Variants in ROBO2 observed in about 807,000 individuals in gnomAD.
ROBO2 encodes roundabout guidance receptor 2.
A neutral mutation model predicts 160.8 loss-of-function variants in ROBO2; 53 were observed. The ratio of observed to expected loss-of-function variants is 0.33; its 90% CI spans 0.26 to 0.41. The LOEUF (loss-of-function observed/expected upper bound fraction) is 0.41. ROBO2 is among the 10% of genes least tolerant of loss of function. The pLI is 1.00. For missense variants in ROBO2, 1,577 were observed against 1,722.4 expected, an observed-to-expected ratio of 0.92 and a Z score of 1.49; for synonymous variants, 664 against 611.7, an observed-to-expected ratio of 1.09 and a Z score of -1.26.
intron 2 of ROBO2, among the ~76,000 whole-genome samples, chr3:76,455,002 G>A (rs2077677207): frequency 1.3e-5 from 2 of 151,908 alleles, no homozygotes; most frequent in South Asian, 4.1e-4. Context: ...GGTATAAAAA[G>A]GAAAAAAATT....
At chr3:76,728,455 A>C (rs1393385406) in intron 2 of ROBO2, among the ~76,000 whole-genome samples, 1 of 152,230 alleles carries the variant, frequency 6.6e-6, no homozygotes, top group African/African-American at 2.4e-5. Flanking sequence ...ATGTTATTGC[A>C]AATTGTATTT....
At chr3:77,278,507 G>T (rs909803174) in intron 2 of ROBO2, among the ~76,000 whole-genome samples, 1 of 152,088 alleles carries the variant, frequency 6.6e-6, no homozygotes, top group Non-Finnish European at 1.5e-5. Context: ...TGAATGATGA[G>T]AAATTATGAA....
At chr3:77,192,919 G>A (rs1225407217) in intron 2 of ROBO2, among the ~76,000 whole-genome samples, 1 of 151,928 alleles carries the variant, frequency 6.6e-6, no homozygotes, top group Non-Finnish European at 1.5e-5. Flanking sequence ...CTCCAAAAGT[G>A]CTGGGATTAC....
chr3:77,476,794 C>G (rs967073910), intron 2 of ROBO2, among the ~76,000 whole-genome samples: 1 of 152,028 alleles, frequency 6.6e-6, no homozygotes, highest in African/African-American at 2.4e-5. Flanking sequence ...ATATCTCTGC[C>G]CTGAATGTCA....
intron 2 of ROBO2, among the ~76,000 whole-genome samples, chr3:76,865,753 T>C (rs2071302446): frequency 6.6e-6 from 1 of 152,076 alleles, no homozygotes; most frequent in African/African-American, 2.4e-5. Flanking sequence ...ATTTTCAAAG[T>C]TGTAAGGAAT....
intron 2 of ROBO2, among the ~76,000 whole-genome samples, chr3:76,073,388 G>C (rs1274352616): frequency 7.3e-6 from 1 of 137,264 alleles, no homozygotes; most frequent in African/African-American, 2.7e-5. Flanking sequence ...CCCCTCCTGG[G>C]TTCCCGCCAT....
At chr3:76,553,435 T>C (rs1234709965) in intron 2 of ROBO2, among the ~76,000 whole-genome samples, 2 of 152,314 alleles carry the variant, frequency 1.3e-5, no homozygotes, top group East Asian at 1.9e-4. Flanking sequence ...AGAAGGTCAT[T>C]GTGAACTTAG....
intron 2 of ROBO2, among the ~76,000 whole-genome samples, chr3:76,726,634 C>A (rs2093557578): frequency 6.6e-6 from 1 of 152,188 alleles, no homozygotes; most frequent in African/African-American, 2.4e-5. Flanking sequence ...AGGAGCCTCA[C>A]TCCTACCATT....
At chr3:76,087,386 T>TA (rs2069056009) in intron 2 of ROBO2, among the ~76,000 whole-genome samples, 1 of 151,914 alleles carries the variant, frequency 6.6e-6, no homozygotes, top group East Asian at 1.9e-4. Flanking sequence ...TTGATAGAAA[T>TA]AAAAAACTCA....
chr3:76,138,145 C>G (rs1274221084), intron 2 of ROBO2, among the ~76,000 whole-genome samples: 1 of 151,752 alleles, frequency 6.6e-6, no homozygotes, highest in Admixed American at 6.6e-5. Context: ...AAACTATAAT[C>G]AAATGAAAAT....
intron 2 of ROBO2, among the ~76,000 whole-genome samples, chr3:76,181,009 C>T (rs1701476348): frequency 6.6e-6 from 1 of 152,102 alleles, no homozygotes. Context: ...GTCTGGAATG[C>T]ACCATTTCTA....
At chr3:76,870,611 T>C (rs1411128752) in intron 2 of ROBO2, among the ~76,000 whole-genome samples, 2 of 152,220 alleles carry the variant, frequency 1.3e-5, no homozygotes, top group Non-Finnish European at 2.9e-5. Flanking sequence ...GCATTATGGT[T>C]ACCCAGAGTC....
intron 2 of ROBO2, among the ~76,000 whole-genome samples, chr3:76,509,376 C>T (rs190616373): frequency 2.3e-4 from 35 of 152,104 alleles, no homozygotes; most frequent in Non-Finnish European, 4.1e-4. Context: ...CATGAGTGCC[C>T]GACTTGGTTT....
chr3:76,937,147 T>A (rs1248084250), intron 2 of ROBO2, among the ~76,000 whole-genome samples: 1 of 152,174 alleles, frequency 6.6e-6, no homozygotes, highest in Non-Finnish European at 1.5e-5. Flanking sequence ...TCACGTTTAA[T>A]CTTTGTAACG....
At chr3:77,612,837 C>A (rs1262123512) in intron 21 of ROBO2, among the ~76,000 whole-genome samples, 1 of 151,970 alleles carries the variant, frequency 6.6e-6, no homozygotes, top group Non-Finnish European at 1.5e-5. Flanking sequence ...TCCCAGCTAC[C>A]AGCTACTCGG....
At chr3:77,605,098 G>A (rs1406695573) in intron 20 of ROBO2, among the ~76,000 whole-genome samples, 5 of 150,656 alleles carry the variant, frequency 3.3e-5, no homozygotes, top group Non-Finnish European at 7.4e-5. Context: ...CTGAGAAGTT[G>A]AGCCTGCAGT....
At chr3:77,108,559 C>T (rs1342394521) in intron 2 of ROBO2, among the ~76,000 whole-genome samples, 1 of 152,064 alleles carries the variant, frequency 6.6e-6, no homozygotes, top group African/African-American at 2.4e-5. Flanking sequence ...TAAAGAGCAC[C>T]TCTGGTGCTG....
chr3:77,190,883 T>C (rs994443285), intron 2 of ROBO2, among the ~76,000 whole-genome samples: 10 of 152,042 alleles, frequency 6.6e-5, no homozygotes, highest in African/African-American at 2.4e-4. Flanking sequence ...AATGGTTAGG[T>C]AACCTTTTTA....
chr3:77,387,914 G>A (rs866250003), intron 2 of ROBO2, among the ~76,000 whole-genome samples: 3 of 151,570 alleles, frequency 2.0e-5, no homozygotes, highest in South Asian at 2.1e-4. Context: ...TTCAAATATC[G>A]AAGCCGTCTA....
Sources: gnomAD v4.1 joint callset for allele counts (sites outside exome capture counted in the v4.1 genomes callset) on GRCh38, gnomAD v4.1.1 for gene constraint, MANE v1.5 for transcripts, NCBI Gene and HGNC (gene_info 2026-07-23, HGNC 2026-07-21) for gene names.